Variants in KLHL8 observed in about 807,000 individuals in gnomAD.
KLHL8 encodes the protein kelch-like protein 8.
KLHL8 carries 38 observed loss-of-function variants against 63.5 expected under a neutral mutation model. The observed-to-expected ratio is 0.60, with a 90% confidence interval of 0.46 to 0.78. KLHL8 has a LOEUF of 0.78. KLHL8 is among the 30% of genes least tolerant of loss of function. The probability of loss-of-function intolerance (pLI) is 0.00; values close to 1 mark genes in which losing one functional copy is unlikely to be tolerated. For missense variants in KLHL8, 566 were observed against 752.4 expected, an observed-to-expected ratio of 0.75 and a Z score of 2.90; for synonymous variants, 224 against 254.3, an observed-to-expected ratio of 0.88 and a Z score of 1.13.
rs1731120704 is a variant in KLHL8, at chr4:87,183,222, G to C, written c.933C>G (p.Thr311=). Residue 311 remains threonine, a synonymous_variant, in exon 4 of 10, where the codon ACC becomes ACG. Coordinates refer to ENST00000273963, the MANE Select transcript of KLHL8 (RefSeq NM_020803.5). ...VPDFEYSIRT[T]PRKHTAGVLF... ...GGTTACCAGCAGTATGCTTCCTTGG[G>C]GTAGTCCGAATGGAGTATTCAAAGT... The C allele has an allele frequency of 6.2e-7, 1 of 1,607,472 alleles. No individual in the cohort carries two copies. Among genetic ancestry groups the C allele is most frequent in the African/African-American group, 1.3e-5 (1 of 74,740 alleles).
At chr4:87,193,278 T>A (rs1270321896) in intron 2 of KLHL8, among the ~76,000 whole-genome samples, 3 of 152,174 alleles carry the variant, frequency 2.0e-5, no homozygotes, top group Non-Finnish European at 4.4e-5. Flanking sequence ...TTTAAACTTT[T>A]TTGTTAAAAA....
upstream of KLHL8, among the ~76,000 whole-genome samples, chr4:87,225,136 A>T (rs1316417997): frequency 6.6e-6 from 1 of 151,968 alleles, no homozygotes; most frequent in Non-Finnish European, 1.5e-5. Flanking sequence ...GGGTCTTTGT[A>T]ATTGCTGTTC....
At chr4:87,200,115 T>C (rs1315747599) in intron 1 of KLHL8, among the ~76,000 whole-genome samples, 2 of 122,892 alleles carry the variant, frequency 1.6e-5, no homozygotes, top group Non-Finnish European at 3.1e-5. Flanking sequence ...AACTCCAGCC[T>C]GGGTGACCGA....
intron 2 of KLHL8, among the ~76,000 whole-genome samples, chr4:87,188,649 T>C (rs1731354598): frequency 6.6e-6 from 1 of 152,340 alleles, no homozygotes; most frequent in South Asian, 2.1e-4. Context: ...AATGCACTGA[T>C]TCTCCTTTGA....
chr4:87,191,312 T>G (rs1286129180), intron 2 of KLHL8, among the ~76,000 whole-genome samples: 1 of 151,978 alleles, frequency 6.6e-6, no homozygotes, highest in Non-Finnish European at 1.5e-5. Flanking sequence ...CTACAAAAAG[T>G]GCAAAAATTA....
intron 1 of KLHL8, among the ~76,000 whole-genome samples, chr4:87,211,489 CTT>C (rs1732404045): frequency 2.0e-5 from 3 of 152,128 alleles, no homozygotes; most frequent in African/African-American, 7.2e-5. Flanking sequence ...ACTGCCGTGA[CTT>C]TAAAAAAATG....
At chr4:87,207,263 T>C in intron 1 of KLHL8, 1 of 576,098 alleles carries the variant, frequency 1.7e-6, no homozygotes, top group Non-Finnish European at 3.3e-6. Flanking sequence ...CCATGCACCG[T>C]AAAGGCTGAG....
At chr4:87,169,647 A>G (rs1259541756) in intron 8 of KLHL8, among the ~76,000 whole-genome samples, 1 of 152,178 alleles carries the variant, frequency 6.6e-6, no homozygotes, top group African/African-American at 2.4e-5. Flanking sequence ...GGATCACCTA[A>G]GGCCAGTTGT....
chr4:87,200,511 T>A (rs542356474), intron 1 of KLHL8, among the ~76,000 whole-genome samples: 45 of 152,350 alleles, frequency 3.0e-4, no homozygotes, highest in African/African-American at 1.1e-3. Context: ...AATCTGGGGA[T>A]GTCTAACCTG....
intron 2 of KLHL8, among the ~76,000 whole-genome samples, chr4:87,191,862 A>G (rs1731506122): frequency 6.6e-6 from 1 of 151,152 alleles, no homozygotes; most frequent in African/African-American, 2.4e-5. Context: ...AACAAGTGGT[A>G]TTTGGTTTTC....
chr4:87,171,135 G>A (rs1475454252), intron 6 of KLHL8, among the ~76,000 whole-genome samples: 1 of 151,900 alleles, frequency 6.6e-6, no homozygotes, highest in Non-Finnish European at 1.5e-5. Flanking sequence ...CTCTCTAAAA[G>A]TAAGAGACTT....
At chr4:87,202,002 GA>G (rs903021475) in intron 1 of KLHL8, among the ~76,000 whole-genome samples, 3 of 151,796 alleles carry the variant, frequency 2.0e-5, no homozygotes, top group African/African-American at 7.3e-5. Flanking sequence ...CAGCTACTCT[GA>G]GGCTGAGGCA....
chr4:87,230,339 G>A (rs932877740), intron 1 of KLHL8, among the ~76,000 whole-genome samples: 4 of 152,170 alleles, frequency 2.6e-5, no homozygotes, highest in African/African-American at 9.7e-5. Context: ...GAAGCCAGGG[G>A]ACAAGGACTT....
At chr4:87,174,270 A>G (rs1344518724) in intron 6 of KLHL8, among the ~76,000 whole-genome samples, 1 of 151,290 alleles carries the variant, frequency 6.6e-6, no homozygotes, top group Non-Finnish European at 1.5e-5. Flanking sequence ...GTATATATAT[A>G]TATCACCTGC....
chr4:87,188,133 G>A lies in KLHL8; in HGVS notation c.217-2334C>T, dbSNP rs528075253. On this transcript the variant is annotated intron_variant, in intron 2 of 9. Coordinates refer to ENST00000273963, the MANE Select transcript of KLHL8 (RefSeq NM_020803.5). ...TTTAGATTCCATTGAGACTAAAGTTGTAATGTAGACTATAACATAAAGCTT... is the reference window on the plus strand; with the variant it reads ...TTTAGATTCCATTGAGACTAAAGTTATAATGTAGACTATAACATAAAGCTT... Among the ~76,000 whole-genome samples, 24 of 152,282 alleles carry A rather than the reference G, an allele frequency of 1.6e-4. No homozygotes were observed. In the South Asian group the frequency reaches 3.9e-3, roughly 25 times the overall value.
At chr4:87,209,487 C>T (rs879431010) in intron 1 of KLHL8, among the ~76,000 whole-genome samples, 24 of 152,092 alleles carry the variant, frequency 1.6e-4, no homozygotes, top group Admixed American at 1.3e-3. Context: ...CAGAAGCAGA[C>T]AGGTTTATAG....
chr4:87,209,283 CAG>C (rs1324335797), intron 1 of KLHL8, among the ~76,000 whole-genome samples: 2 of 152,060 alleles, frequency 1.3e-5, no homozygotes, highest in East Asian at 3.8e-4. Context: ...CACAAAACAA[CAG>C]AGAGGAAAAA....
chr4:87,222,844 A>G (rs1732909258), upstream of KLHL8, among the ~76,000 whole-genome samples: 1 of 151,648 alleles, frequency 6.6e-6, no homozygotes, highest in African/African-American at 2.4e-5. Flanking sequence ...TCAGCCTCCC[A>G]AAGTGCTGGG....
At chr4:87,173,638 C>T (rs920317292) in intron 6 of KLHL8, among the ~76,000 whole-genome samples, 1 of 152,124 alleles carries the variant, frequency 6.6e-6, no homozygotes, top group Non-Finnish European at 1.5e-5. Flanking sequence ...ATAATTGTAG[C>T]TCTATTATTT....
Sources: allele counts gnomAD v4.1 joint callset (sites outside exome capture counted in the v4.1 genomes callset), GRCh38; gene constraint gnomAD v4.1.1; transcripts MANE v1.5; gene names NCBI Gene and HGNC (gene_info 2026-07-23, HGNC 2026-07-21).